SCN7A: variants seen among roughly 807,000 people sequenced by gnomAD.
SCN7A encodes sodium channel protein type 7 subunit alpha.
A neutral mutation model predicts 155.2 loss-of-function variants in SCN7A; 138 were observed. That is an observed-to-expected ratio of 0.89 (90% confidence interval 0.77 to 1.02). The LOEUF is 1.02. SCN7A is among the 50% of genes least tolerant of loss of function. SCN7A has a pLI of 0.00. For synonymous variants in SCN7A, 693 were observed against 649.0 expected (o/e 1.07, Z -1.03); for missense variants, 2,058 against 1,986.6 (o/e 1.04, Z -0.68).
At chr2:166,439,058 T>TATAC (rs1458797634) in intron 15 of SCN7A, among the ~76,000 whole-genome samples, 4 of 142,988 alleles carry the variant, frequency 2.8e-5, no homozygotes, top group Non-Finnish European at 6.1e-5. Context: ...TGTGTGTGTA[T>TATAC]ATATATATAT....
intron 15 of SCN7A, among the ~76,000 whole-genome samples, chr2:166,433,771 A>G (rs926023561): frequency 1.3e-5 from 2 of 152,146 alleles, no homozygotes; most frequent in African/African-American, 4.8e-5. Flanking sequence ...TACCATATCT[A>G]ATGGCTTTTG....
At chr2:166,406,727 A>C in intron 25 of SCN7A, 81 bp from the exon 26 acceptor site, 2 of 963,446 alleles carry the variant, frequency 2.1e-6, no homozygotes, top group Non-Finnish European at 3.1e-6. Flanking sequence ...TTTTACACTT[A>C]ATTGTTTTTC....
At position 166,477,527 on chromosome 2, in the gene SCN7A, A is replaced by T; in HGVS notation, c.170T>A (p.Leu57His). ...GGGCTCTGACACCATTCCTTGAGAA[A>T]GGTTTCCATAAATAAATGGAAGCTT... ...GKKLPFIYGN[L>H]SQGMVSEPLE... Residue 57 changes from leucine (L) to histidine (H), a missense_variant, in exon 3 of 26, where the codon CTT (leucine) becomes CAT (histidine). Physicochemically the swap from Leu to His is moderately conservative, Grantham distance 99. Transcript: ENST00000643258. 6.4e-7 allele frequency: 1 copy of T among 1,560,074 alleles called. No individual in the cohort carries two copies. Among genetic ancestry groups the T allele is most frequent in the South Asian group, 1.2e-5 (1 of 84,962 alleles).
chr2:166,411,348 C>T (rs1478134691), intron 23 of SCN7A, among the ~76,000 whole-genome samples: 1 of 151,964 alleles, frequency 6.6e-6, no homozygotes, highest in Non-Finnish European at 1.5e-5. Context: ...CAGTCTATGC[C>T]ACCCACACAT....
intron 18 of SCN7A, among the ~76,000 whole-genome samples, chr2:166,423,718 C>T (rs1528488): frequency 0.26 from 39,906 of 151,844 alleles, 6,012 homozygotes; most frequent in Non-Finnish European, 0.34. Context: ...TCCAAAAATC[C>T]CCTCCAAAAT....
intron 12 of SCN7A, among the ~76,000 whole-genome samples, chr2:166,447,229 T>A (rs1377073331): frequency 1.3e-5 from 2 of 152,192 alleles, no homozygotes; most frequent in Non-Finnish European, 2.9e-5. Flanking sequence ...TAGATATACA[T>A]GCTTTACAAA....
chr2:166,473,998 G>A, intron 4 of SCN7A, 110 bp from the exon 5 acceptor site: 1 of 574,108 alleles, frequency 1.7e-6, no homozygotes, highest in Non-Finnish European at 3.0e-6. Flanking sequence ...GAACAACAAT[G>A]GGCATTAATA....
At chr2:166,471,124 T>G (rs918335845) in intron 6 of SCN7A, among the ~76,000 whole-genome samples, 19 of 151,804 alleles carry the variant, frequency 1.3e-4, no homozygotes, top group Non-Finnish European at 4.4e-5. Context: ...AGAATAAAGA[T>G]GAAGAGAGGA....
At chr2:166,408,961 C>T (rs952534806) in intron 25 of SCN7A, among the ~76,000 whole-genome samples, 10 of 151,954 alleles carry the variant, frequency 6.6e-5, no homozygotes, top group East Asian at 1.9e-4. Context: ...TTTCTCTGAC[C>T]TCTACTTACT....
At chr2:166,434,822 T>G (rs572422511) in intron 15 of SCN7A, among the ~76,000 whole-genome samples, 1 of 152,140 alleles carries the variant, frequency 6.6e-6, no homozygotes, top group Non-Finnish European at 1.5e-5. Context: ...GTAAGCTTCA[T>G]ATGAACAAAA....
intron 21 of SCN7A, among the ~76,000 whole-genome samples, chr2:166,414,159 AATATATTATATATATGTAAATATATAT>A (rs1701286475): frequency 9.3e-5 from 6 of 64,332 alleles, no homozygotes; most frequent in African/African-American, 3.9e-4. Context: ...AAATATATAT[AATATATTATATATATGTAAATATATAT>A]AATATATAAT....
intron 15 of SCN7A, chr2:166,440,519 G>T (rs561327066): frequency 6.6e-6 from 1 of 152,134 alleles, no homozygotes; most frequent in Non-Finnish European, 1.5e-5. Flanking sequence ...GAAATATGAT[G>T]CAATCATATA....
chr2:166,488,804 A>G (rs1301888158), intron 1 of SCN7A, among the ~76,000 whole-genome samples: 3 of 151,846 alleles, frequency 2.0e-5, no homozygotes, highest in South Asian at 2.1e-4. Flanking sequence ...CACCTGGCTA[A>G]TTTTTGTATT....
chr2:166,489,296 G>A (rs1187262074), intron 1 of SCN7A, among the ~76,000 whole-genome samples: 1 of 152,146 alleles, frequency 6.6e-6, no homozygotes, highest in Non-Finnish European at 1.5e-5. Flanking sequence ...AGTTGTATAC[G>A]TTAGCATGTG....
In SCN7A at chr2:166,444,749, A is replaced by G; in HGVS notation, c.1626+13T>C. On this transcript the variant is annotated intron_variant, in intron 13 of 25. Transcript: ENST00000643258. ...AAACTGCAAATGAAAATAATGTACA[A>G]TGAGAGTCTTACCAGGTTTCCAATG... The G allele has an allele frequency of 7.2e-7, 1 of 1,392,604 alleles. No individual in the cohort carries two copies. Among genetic ancestry groups the G allele is most frequent in the Non-Finnish European group, 1.0e-6 (1 of 998,880 alleles). 86.3% of individuals were successfully genotyped at this position (1,392,604 alleles called of 1,614,324 possible).
At chr2:166,418,262 A>C (rs1701431991) in intron 20 of SCN7A, among the ~76,000 whole-genome samples, 1 of 139,746 alleles carries the variant, frequency 7.2e-6, no homozygotes, top group African/African-American at 2.7e-5. Context: ...CTGACATTAC[A>C]GGCACACGCC....
chr2:166,411,972 G>A (rs1400065740), intron 23 of SCN7A, among the ~76,000 whole-genome samples: 2 of 152,042 alleles, frequency 1.3e-5, no homozygotes. Flanking sequence ...TTGCGTTTGT[G>A]GAGGCCCTGA....
intron 25 of SCN7A, among the ~76,000 whole-genome samples, chr2:166,408,871 A>T (rs1236379623): frequency 1.3e-5 from 2 of 150,924 alleles, no homozygotes; most frequent in African/African-American, 4.9e-5. Context: ...TCTGCCTGAA[A>T]CTCTTTGACA....
intron 3 of SCN7A, 62 bp from the exon 4 acceptor site, chr2:166,474,406 C>G: frequency 1.7e-6 from 1 of 571,850 alleles, no homozygotes; most frequent in Non-Finnish European, 2.9e-6. Flanking sequence ...ATCAATTATG[C>G]AATAAACTGC....
Sources: gnomAD v4.1 joint callset for allele counts (sites outside exome capture counted in the v4.1 genomes callset) on GRCh38, gnomAD v4.1.1 for gene constraint, MANE v1.5 for transcripts, NCBI Gene and HGNC (gene_info 2026-07-23, HGNC 2026-07-21) for gene names.